SENP6: variants seen among roughly 807,000 people sequenced by gnomAD.
The protein encoded by SENP6 is sentrin-specific protease 6.
A neutral mutation model predicts 134.5 loss-of-function variants in SENP6; 41 were observed. That is an observed-to-expected ratio of 0.30 (90% confidence interval 0.24 to 0.40). The LOEUF (loss-of-function observed/expected upper bound fraction) is 0.40. Among genes scored for constraint, SENP6 ranks in the 10% least tolerant of loss-of-function variants. The pLI is 1.00. For synonymous variants in SENP6, 395 were observed against 429.8 expected, an observed-to-expected ratio of 0.92 and a Z score of 1.00; for missense variants, 1,248 against 1,312.5, an observed-to-expected ratio of 0.95 and a Z score of 0.76.
At chr6:75,692,147 C>T (rs1336909249) in intron 16 of SENP6, among the ~76,000 whole-genome samples, 6 of 152,122 alleles carry the variant, frequency 3.9e-5, no homozygotes, top group East Asian at 1.9e-4. Context: ...TGAGCCACCG[C>T]GCCTGGCCTC....
intron 8 of SENP6, 48 bp downstream of exon 8, chr6:75,659,455 T>A: frequency 6.7e-7 from 1 of 1,488,026 alleles, no homozygotes; most frequent in Non-Finnish European, 9.3e-7. Flanking sequence ...GTGTTTTGAT[T>A]AATATTAGTT....
chr6:75,649,170 C>T (rs1161333629), intron 7 of SENP6, among the ~76,000 whole-genome samples: 1 of 151,810 alleles, frequency 6.6e-6, no homozygotes, highest in African/African-American at 2.4e-5. Context: ...CAAAAATTAG[C>T]TGGGCATGAT....
chr6:75,640,251 A>G (rs1255240936), intron 5 of SENP6, among the ~76,000 whole-genome samples: 4 of 152,318 alleles, frequency 2.6e-5, no homozygotes, highest in East Asian at 3.9e-4. Context: ...TCTTCTGGCA[A>G]TGTAATCAGA....
In SENP6 at chr6:75,678,838, T is replaced by G. The variant is rs770264240; in HGVS notation, c.1986T>G (p.Ala662=). ...TGATAGTATATCCACCACCTCCAGCTAAGGGAGGCATCTCTGTTACCAATG... is the reference window on the plus strand; with the variant it reads ...TGATAGTATATCCACCACCTCCAGCGAAGGGAGGCATCTCTGTTACCAATG... The part of the protein sequence containing the change: ...EKLIVYPPPP[A]KGGISVTNED... Residue 662 remains alanine, a synonymous_variant, in exon 16 of 24, where the codon GCT becomes GCG. Transcript: ENST00000447266. 39 of 1,607,150 alleles carry G rather than the reference T, an allele frequency of 2.4e-5. No individual in the cohort carries two copies. The South Asian group carries it at 4.3e-4, about 18-fold the overall frequency.
intron 6 of SENP6, among the ~76,000 whole-genome samples, chr6:75,647,031 T>C (rs187886346): frequency 2.7e-4 from 41 of 152,336 alleles, no homozygotes; most frequent in African/African-American, 8.7e-4. Flanking sequence ...TGATTTACAT[T>C]ACTAGATCAC....
chr6:75,618,339 GTTAT>G (rs1486556385), intron 1 of SENP6, among the ~76,000 whole-genome samples: 3 of 152,108 alleles, frequency 2.0e-5, no homozygotes, highest in Admixed American at 6.5e-5. Context: ...CAATGCCGAT[GTTAT>G]TTATTTTTGC....
At chr6:75,698,031 T>C (rs1417122566) in intron 18 of SENP6, 1 of 152,386 alleles carries the variant, frequency 6.6e-6, no homozygotes, top group Non-Finnish European at 1.5e-5. Flanking sequence ...TAGATAGTAG[T>C]ATTTTACAAT....
At chr6:75,638,614 ATATATATATTTTTTTT>A (rs1344941264) in intron 5 of SENP6, among the ~76,000 whole-genome samples, 144 of 35,780 alleles carry the variant, frequency 4.0e-3, no homozygotes, top group African/African-American at 8.1e-3. Flanking sequence ...ATATATATAT[ATATATATATTTTTTTT>A]TTTTTTTTTT....
chr6:75,668,503 T>A (rs895461523), intron 10 of SENP6, among the ~76,000 whole-genome samples: 5 of 152,130 alleles, frequency 3.3e-5, no homozygotes, highest in Admixed American at 6.5e-5. Flanking sequence ...TCAAAAAAAA[T>A]AGTAATCCAA....
intron 11 of SENP6, among the ~76,000 whole-genome samples, chr6:75,671,901 TAGC>T (rs1772709174): frequency 6.6e-6 from 1 of 152,194 alleles, no homozygotes; most frequent in Non-Finnish European, 1.5e-5. Context: ...CCTGATTTCT[TAGC>T]AGAGCACAGC....
At chr6:75,674,291 G>A (rs974422860) in intron 11 of SENP6, among the ~76,000 whole-genome samples, 2 of 151,494 alleles carry the variant, frequency 1.3e-5, no homozygotes, top group Non-Finnish European at 2.9e-5. Flanking sequence ...AGAGTAGTTG[G>A]GACTATAGGT....
chr6:75,687,338 C>T (rs1397613833), intron 16 of SENP6, among the ~76,000 whole-genome samples: 3 of 152,136 alleles, frequency 2.0e-5, no homozygotes, highest in East Asian at 3.8e-4. Context: ...GCGATGGGTT[C>T]GAACATCCTC....
intron 11 of SENP6, among the ~76,000 whole-genome samples, chr6:75,672,859 ACT>A (rs1483507481): frequency 6.6e-6 from 1 of 151,966 alleles, no homozygotes; most frequent in Non-Finnish European, 1.5e-5. Context: ...ACAGAGTCTC[ACT>A]CTGTTGCCCA....
At chr6:75,607,877 C>T (rs998834126) in intron 1 of SENP6, among the ~76,000 whole-genome samples, 4 of 151,976 alleles carry the variant, frequency 2.6e-5, no homozygotes, top group East Asian at 3.8e-4. Context: ...TACTGGAGAC[C>T]GTAAATACCT....
chr6:75,700,694 G>A lies in SENP6; in HGVS notation c.2289-1951G>A, dbSNP rs187321298. The stretch of plus-strand genomic sequence containing the variant: ...TTTGGTAGAGACGGGGTTTTGCCAC[G>A]TTGCCCAGGCCAGTCTCCAACTCCT... On this transcript the variant is annotated intron_variant, in intron 18 of 23. Transcript: ENST00000447266. Among the ~76,000 whole-genome samples the A allele has an allele frequency of 5.5e-4, 84 of 152,176 alleles. 1 individual carries two copies. Among genetic ancestry groups the A allele is most frequent in the Middle Eastern group, 6.8e-3 (2 of 294 alleles).
At position 75,693,114 on chromosome 6, in the gene SENP6, T is replaced by C. The variant is rs567266325; in HGVS notation, c.2076-2690T>C. On this transcript the variant is annotated intron_variant, in intron 16 of 23. Coordinates refer to ENST00000447266, the MANE Select transcript of SENP6 (RefSeq NM_015571.4). Reference sequence around the variant, plus strand: ...CAGTTAAGTTTTATAAAACAGCCATTGTAGGCCAGGCACAGTGGCTCACGC... The same window carrying C: ...CAGTTAAGTTTTATAAAACAGCCATCGTAGGCCAGGCACAGTGGCTCACGC... Among the ~76,000 whole-genome samples, 35 of 152,132 alleles carry C rather than the reference T, an allele frequency of 2.3e-4. No individual in the cohort carries two copies. The South Asian group carries it at 7.1e-3, about 31-fold the overall frequency.
intron 3 of SENP6, among the ~76,000 whole-genome samples, chr6:75,630,683 C>G (rs1297346833): frequency 5.3e-5 from 8 of 152,152 alleles, no homozygotes; most frequent in Admixed American, 5.2e-4. Flanking sequence ...CCTTCTCTTT[C>G]ACAGAATCTT....
intron 1 of SENP6, among the ~76,000 whole-genome samples, chr6:75,617,284 T>C (rs1213193198): frequency 2.2e-5 from 3 of 137,882 alleles, no homozygotes; most frequent in African/African-American, 8.2e-5. Flanking sequence ...TTTTTTTTTT[T>C]TTTTTTGAGA....
At chr6:75,680,878 T>C (rs1773415464) in intron 16 of SENP6, among the ~76,000 whole-genome samples, 1 of 152,066 alleles carries the variant, frequency 6.6e-6, no homozygotes, top group South Asian at 2.1e-4. Context: ...CCCACTGGAG[T>C]GTGGTGCTAG....
Sources: gnomAD v4.1 joint callset for allele counts (sites outside exome capture counted in the v4.1 genomes callset) on GRCh38, gnomAD v4.1.1 for gene constraint, MANE v1.5 for transcripts, NCBI Gene and HGNC (gene_info 2026-07-23, HGNC 2026-07-21) for gene names.